Variants in ULK4 observed in about 807,000 individuals in gnomAD.
The protein encoded by ULK4 is inactive serine/threonine-protein kinase ULK4.
ULK4 carries 133 observed loss-of-function variants against 160.6 expected under a neutral mutation model. The observed-to-expected ratio is 0.83, with a 90% CI of 0.72 to 0.96. The LOEUF is 0.96. Among genes scored for constraint, ULK4 ranks in the 40% least tolerant of loss-of-function variants. ULK4 has a pLI of 0.00. For missense variants in ULK4, 1,580 were observed against 1,499.5 expected, an observed-to-expected ratio of 1.05 and a Z score of -0.89; for synonymous variants, 534 against 539.8, an observed-to-expected ratio of 0.99 and a Z score of 0.15.
intron 35 of ULK4, among the ~76,000 whole-genome samples, chr3:41,332,212 A>AC (rs1292597206): frequency 6.6e-6 from 1 of 151,920 alleles, no homozygotes; most frequent in Non-Finnish European, 1.5e-5. Flanking sequence ...AAGAGGAAAA[A>AC]AAAAAACAAA....
intron 30 of ULK4, among the ~76,000 whole-genome samples, chr3:41,645,166 T>G (rs141707368): frequency 0.061 from 9,194 of 150,330 alleles, 426 homozygotes; most frequent in African/African-American, 0.13. Context: ...ATTAATTTTT[T>G]GAAGGGTTTT....
At chr3:41,828,143 C>A (rs141768024) in intron 18 of ULK4, among the ~76,000 whole-genome samples, 4 of 141,834 alleles carry the variant, frequency 2.8e-5, no homozygotes, top group African/African-American at 7.9e-5. Context: ...CTGATGAGAC[C>A]TATCTCAAAA....
intron 35 of ULK4, among the ~76,000 whole-genome samples, chr3:41,393,182 G>C (rs1304919449): frequency 1.3e-5 from 2 of 152,164 alleles, no homozygotes; most frequent in Non-Finnish European, 2.9e-5. Context: ...TGTATTTTAT[G>C]AACATTCCTT....
chr3:41,497,869 G>A (rs952818830), intron 32 of ULK4, among the ~76,000 whole-genome samples: 1 of 151,812 alleles, frequency 6.6e-6, no homozygotes, highest in African/African-American at 2.4e-5. Context: ...CTTCAGCCTG[G>A]GCAACATAGA....
chr3:41,802,789 T>C (rs571733151), intron 19 of ULK4, among the ~76,000 whole-genome samples: 1 of 152,184 alleles, frequency 6.6e-6, no homozygotes, highest in South Asian at 2.1e-4. Context: ...AGTTCTAACA[T>C]ACATGAGGTT....
chr3:41,467,686 TGACA>T (rs148640948), intron 32 of ULK4, among the ~76,000 whole-genome samples: 4,782 of 152,256 alleles, frequency 0.031, 242 homozygotes, highest in African/African-American at 0.11. Flanking sequence ...AAAAAAATGC[TGACA>T]GACAGATTGC....
chr3:41,620,467 C>T (rs1226903922), intron 30 of ULK4, among the ~76,000 whole-genome samples: 4 of 152,126 alleles, frequency 2.6e-5, no homozygotes, highest in Non-Finnish European at 4.4e-5. Context: ...TCAACATACG[C>T]AAATCAATAA....
chr3:41,377,144 A>G (rs1350119023), intron 35 of ULK4, among the ~76,000 whole-genome samples: 1 of 152,214 alleles, frequency 6.6e-6, no homozygotes, highest in African/African-American at 2.4e-5. Context: ...CTATTTAATA[A>G]ATGGTGCTGG....
chr3:41,898,509 A>G lies in ULK4; in HGVS notation c.1288-17T>C. 5.2e-6 allele frequency: 8 copies of G among 1,547,126 alleles called. No homozygotes were observed. The highest frequency in any genetic ancestry group is 7.1e-6 in the Non-Finnish European group (8 of 1,134,158). ...TTTCATTATCTGTGGTTTAAAAAAA[A>G]AGAAAGCTTTTGAGACAATTTTTAA... is the stretch of plus-strand genomic sequence containing the variant. On this transcript the variant is annotated splice_polypyrimidine_tract_variant and intron_variant, in intron 13 of 36. Coordinates refer to ENST00000301831, the MANE Select transcript of ULK4 (RefSeq NM_017886.4).
intron 19 of ULK4, among the ~76,000 whole-genome samples, chr3:41,812,146 C>A (rs1266923675): frequency 6.6e-6 from 1 of 152,026 alleles, no homozygotes; most frequent in Non-Finnish European, 1.5e-5. Context: ...ATTAGCCAGG[C>A]GTGGTGGCAC....
rs557164827 is a variant in ULK4 at position 41,573,994 on chromosome 3, C to T, written c.3121-7864G>A. Reference sequence around the variant, plus strand: ...TCACAGGCAGCTTAACCCAGCCTGACCAACATGGTGAAATCCCATCTCTAC... The same window carrying T: ...TCACAGGCAGCTTAACCCAGCCTGATCAACATGGTGAAATCCCATCTCTAC... On this transcript the variant is annotated intron_variant, in intron 31 of 36. Coordinates refer to ENST00000301831, the MANE Select transcript of ULK4 (RefSeq NM_017886.4). 1.6e-3 allele frequency among the ~76,000 whole-genome samples: 242 copies of T among 152,280 alleles called. 1 individual carries two copies. The highest frequency in any genetic ancestry group is 5.7e-3 in the African/African-American group (236 of 41,534).
chr3:41,796,628 A>G (rs910421258), intron 20 of ULK4, among the ~76,000 whole-genome samples: 2 of 152,122 alleles, frequency 1.3e-5, no homozygotes. Flanking sequence ...GAAGACTAGA[A>G]AGAATTCTGA....
chr3:41,684,379 T>C (rs564504212), intron 27 of ULK4, among the ~76,000 whole-genome samples: 54 of 152,358 alleles, frequency 3.5e-4, no homozygotes, highest in African/African-American at 1.2e-3. Context: ...TTACAAACGT[T>C]GCTGCAGGTC....
intron 32 of ULK4, among the ~76,000 whole-genome samples, chr3:41,484,251 T>A (rs1249315452): frequency 1.3e-5 from 2 of 152,090 alleles, no homozygotes; most frequent in Non-Finnish European, 2.9e-5. Context: ...ATCAAATACA[T>A]TTATCAAATA....
At chr3:41,558,810 C>T (rs1308179321) in intron 32 of ULK4, among the ~76,000 whole-genome samples, 1 of 151,788 alleles carries the variant, frequency 6.6e-6, no homozygotes. Context: ...TATTCAGTGA[C>T]AGATTTTATC....
chr3:41,399,616 C>G (rs2082136495), intron 34 of ULK4, among the ~76,000 whole-genome samples: 1 of 152,014 alleles, frequency 6.6e-6, no homozygotes, highest in South Asian at 2.1e-4. Context: ...CTCTGTCACC[C>G]AGGCTGGAGT....
chr3:41,616,601 TTAC>T (rs1193437032), intron 30 of ULK4, among the ~76,000 whole-genome samples: 1 of 152,152 alleles, frequency 6.6e-6, no homozygotes, highest in Non-Finnish European at 1.5e-5. Context: ...CCCGGCCTGG[TTAC>T]TACGCTTTTC....
chr3:41,249,144 G>C (rs2078698760), intron 36 of ULK4, among the ~76,000 whole-genome samples: 1 of 152,232 alleles, frequency 6.6e-6, no homozygotes, highest in Non-Finnish European at 1.5e-5. Flanking sequence ...GCACAGGCCA[G>C]GGGCTGCCTT....
At chr3:41,765,789 T>C (rs2039142729) in intron 21 of ULK4, among the ~76,000 whole-genome samples, 1 of 152,138 alleles carries the variant, frequency 6.6e-6, no homozygotes, top group Admixed American at 6.5e-5. Flanking sequence ...GGAAAATGTA[T>C]TACAAAGAAT....
Sources: gnomAD v4.1 joint callset for allele counts (sites outside exome capture counted in the v4.1 genomes callset) on GRCh38, gnomAD v4.1.1 for gene constraint, MANE v1.5 for transcripts, NCBI Gene and HGNC (gene_info 2026-07-23, HGNC 2026-07-21) for gene names.